The following STAC variants were observed in gnomAD, a reference collection of about 807,000 sequenced individuals.
STAC encodes the protein SH3 and cysteine-rich domain-containing protein.
Under a neutral mutation model 48.8 loss-of-function variants are expected in STAC, and 43 were observed. The observed-to-expected ratio is 0.88, with a 90% confidence interval of 0.69 to 1.14. STAC has a LOEUF of 1.14. Ranked by LOEUF, STAC falls within the 50% of genes most tolerant of loss-of-function variation. The pLI is 0.00. For missense variants in STAC, 497 were observed against 504.0 expected, an observed-to-expected ratio of 0.99 and a Z score of 0.13; for synonymous variants, 193 against 179.5, an observed-to-expected ratio of 1.07 and a Z score of -0.60.
At chr3:36,431,357 T>C (rs112880457) in intron 1 of STAC, among the ~76,000 whole-genome samples, 2 of 152,302 alleles carry the variant, frequency 1.3e-5, no homozygotes, top group African/African-American at 4.8e-5. Context: ...CAACTCAGAA[T>C]GCAGAGTGGG....
intron 1 of STAC, among the ~76,000 whole-genome samples, chr3:36,432,337 A>G (rs939675154): frequency 5.3e-5 from 8 of 152,210 alleles, no homozygotes; most frequent in African/African-American, 1.9e-4. Context: ...TTCTGACCCC[A>G]AAGTCTTCAC....
chr3:36,526,174 C>T (rs138243739), intron 8 of STAC, among the ~76,000 whole-genome samples: 104 of 152,106 alleles, frequency 6.8e-4, no homozygotes, highest in African/African-American at 2.4e-3. Context: ...TTAAAGAGAC[C>T]CGGAATGCAC....
chr3:36,421,479 C>T (rs1374837942), intron 1 of STAC, among the ~76,000 whole-genome samples: 1 of 152,034 alleles, frequency 6.6e-6, no homozygotes, highest in Non-Finnish European at 1.5e-5. Flanking sequence ...GTACTGTAAA[C>T]TTCTGACAGG....
intron 2 of STAC, among the ~76,000 whole-genome samples, chr3:36,464,079 C>T (rs1697096502): frequency 6.6e-6 from 1 of 152,108 alleles, no homozygotes. Flanking sequence ...TTCTAGATCC[C>T]TGAGGAATCG....
chr3:36,530,730 G>C (rs576636254), intron 10 of STAC, among the ~76,000 whole-genome samples: 13 of 151,124 alleles, frequency 8.6e-5, no homozygotes, highest in African/African-American at 3.2e-4. Flanking sequence ...GGAGCAGCTG[G>C]GATTACAGGC....
chr3:36,467,266 T>G (rs182191025), intron 2 of STAC, among the ~76,000 whole-genome samples: 1 of 152,296 alleles, frequency 6.6e-6, no homozygotes, highest in East Asian at 1.9e-4. Context: ...TTGAAGATTT[T>G]TGCATCTATA....
chr3:36,463,561 C>G (rs1029014013), intron 2 of STAC, among the ~76,000 whole-genome samples: 1 of 150,126 alleles, frequency 6.7e-6, no homozygotes, highest in African/African-American at 2.5e-5. Flanking sequence ...ATGTGCACAT[C>G]GTGCAGGTTA....
chr3:36,527,578 G>T (rs149038620), intron 8 of STAC, among the ~76,000 whole-genome samples: 1 of 152,174 alleles, frequency 6.6e-6, no homozygotes, highest in East Asian at 1.9e-4. Flanking sequence ...GACTGTAAGT[G>T]TGTAAGAAAG....
intron 1 of STAC, among the ~76,000 whole-genome samples, chr3:36,427,073 G>C (rs765636224): frequency 1.3e-5 from 2 of 152,170 alleles, no homozygotes; most frequent in Non-Finnish European, 1.5e-5. Flanking sequence ...CCTGTGTTGG[G>C]AAAATGAACT....
intron 8 of STAC, among the ~76,000 whole-genome samples, chr3:36,528,365 A>C (rs1202315467): frequency 6.6e-6 from 1 of 151,872 alleles, no homozygotes; most frequent in Non-Finnish European, 1.5e-5. Context: ...GCTACTCGGG[A>C]GGCTGAGGCA....
intron 1 of STAC, among the ~76,000 whole-genome samples, chr3:36,435,653 C>A (rs1306785251): frequency 6.6e-6 from 1 of 152,156 alleles, no homozygotes; most frequent in Non-Finnish European, 1.5e-5. Context: ...TTCCAGCCGT[C>A]CTCTCCTGAA....
chr3:36,521,246 A>G (rs1273230816), intron 8 of STAC, among the ~76,000 whole-genome samples: 1 of 152,058 alleles, frequency 6.6e-6, no homozygotes, highest in Non-Finnish European at 1.5e-5. Context: ...CAAAATAACT[A>G]TATAGTAAAG....
intron 1 of STAC, among the ~76,000 whole-genome samples, chr3:36,430,335 G>C (rs1184583652): frequency 6.6e-6 from 1 of 152,160 alleles, no homozygotes; most frequent in Non-Finnish European, 1.5e-5. Context: ...ATAGAATATT[G>C]AGCTCTATGT....
intron 2 of STAC, among the ~76,000 whole-genome samples, chr3:36,445,219 C>T (rs973378385): frequency 1.3e-5 from 2 of 152,074 alleles, no homozygotes; most frequent in Non-Finnish European, 2.9e-5. Context: ...TCAAGTACAA[C>T]AACAATTTTG....
intron 1 of STAC, among the ~76,000 whole-genome samples, chr3:36,432,702 C>CAA (rs369547121): frequency 1.9e-3 from 206 of 107,720 alleles, no homozygotes; most frequent in African/African-American, 5.6e-3. Flanking sequence ...GACTCCGTCT[C>CAA]AAAAAAAAAA....
At chr3:36,405,713 A>G (rs1700075336) in intron 1 of STAC, among the ~76,000 whole-genome samples, 1 of 152,168 alleles carries the variant, frequency 6.6e-6, no homozygotes, top group South Asian at 2.1e-4. Context: ...TGCCCTTCTA[A>G]CCAGATCTCT....
At chr3:36,454,828 G>T (rs915192273) in intron 2 of STAC, among the ~76,000 whole-genome samples, 2 of 152,096 alleles carry the variant, frequency 1.3e-5, no homozygotes, top group Non-Finnish European at 2.9e-5. Flanking sequence ...AATTCAGGGA[G>T]GGGGGAATAT....
chr3:36,406,149 C>G (rs1266407165), intron 1 of STAC, among the ~76,000 whole-genome samples: 1 of 152,204 alleles, frequency 6.6e-6, no homozygotes, highest in Admixed American at 6.5e-5. Context: ...CAACCCTCAG[C>G]CCCCTCCCCA....
chr3:36,533,658 A>G (rs1444289617), intron 10 of STAC, among the ~76,000 whole-genome samples: 5 of 152,048 alleles, frequency 3.3e-5, no homozygotes, highest in African/African-American at 1.2e-4. Context: ...ATTCCTTGGC[A>G]TATTCCCCAC....
Sources: gnomAD v4.1 joint callset for allele counts (sites outside exome capture counted in the v4.1 genomes callset) on GRCh38, gnomAD v4.1.1 for gene constraint, MANE v1.5 for transcripts, NCBI Gene and HGNC (gene_info 2026-07-23, HGNC 2026-07-21) for gene names.